GPR137: variants seen among roughly 807,000 people sequenced by gnomAD.
The protein encoded by GPR137 is integral membrane protein GPR137.
Under a neutral mutation model 38.9 loss-of-function variants are expected in GPR137, and 20 were observed. That is an observed-to-expected ratio of 0.51 (90% CI 0.36 to 0.75). The LOEUF (loss-of-function observed/expected upper bound fraction) is 0.75. Among genes scored for constraint, GPR137 ranks in the 30% least tolerant of loss-of-function variants. The probability of loss-of-function intolerance (pLI) is 0.00; values close to 1 mark genes in which losing one functional copy is unlikely to be tolerated. For missense variants in GPR137, 456 were observed against 526.4 expected (o/e 0.87, Z 1.31); for synonymous variants, 226 against 235.8 (o/e 0.96, Z 0.38).
In GPR137 at chr11:64,289,477, CAG is replaced by C; in HGVS notation, c.*282_*283del. The C allele has an allele frequency of 1.4e-6, 2 of 1,468,440 alleles. No homozygotes were observed. Among genetic ancestry groups the C allele is most frequent in the South Asian group, 1.4e-5 (1 of 72,878 alleles). 91.0% of individuals were successfully genotyped at this position (1,468,440 alleles called of 1,614,324 possible). A position where few individuals can be genotyped will look rare whatever the true frequency, so the allele number is the denominator to read the frequency against. The stretch of plus-strand genomic sequence containing the variant: ...TCTCCTGTGCCTGCCACTCAATAAA[CAG>C]TGTCTGCGCCCCACAGTTGTGCACC... On this transcript the variant is annotated 3_prime_UTR_variant, in exon 7 of 7. Coordinates refer to ENST00000438980, the MANE Select transcript of GPR137 (RefSeq NM_001170880.2).
At position 64,289,337 on chromosome 11, in the gene GPR137, G is replaced by A. The variant is rs2034530915; in HGVS notation, c.*141G>A. ...CTCTGGCCGGCTCCTTGCTGCTCCT[G>A]TCATAGTGAGCTTGTGCCGTCCCCC... On this transcript the variant is annotated 3_prime_UTR_variant, in exon 7 of 7. Coordinates refer to ENST00000438980, the MANE Select transcript of GPR137 (RefSeq NM_001170880.2). 1 of 1,603,614 alleles carries A rather than the reference G, an allele frequency of 6.2e-7. No individual in the cohort carries two copies. Among genetic ancestry groups the A allele is most frequent in the African/African-American group, 1.3e-5 (1 of 74,832 alleles).
chr11:64,289,279 G>C lies in GPR137; in HGVS notation c.*83G>C. On this transcript the variant is annotated 3_prime_UTR_variant, in exon 7 of 7. Transcript: ENST00000438980. ...GTGCCAAGTTTGTCTGCCGCTTCTTGCCCAGGATCCTGGGGGTCGTGGCTA... is the reference window on the plus strand; with the variant it reads ...GTGCCAAGTTTGTCTGCCGCTTCTTCCCCAGGATCCTGGGGGTCGTGGCTA... The C allele has an allele frequency of 6.2e-7, 1 of 1,612,046 alleles. No homozygotes were observed. Among genetic ancestry groups the C allele is most frequent in the Non-Finnish European group, 8.5e-7 (1 of 1,179,606 alleles).
chr11:64,289,237 C>A lies in GPR137; in HGVS notation c.*41C>A, dbSNP rs2034512837. 1.2e-6 allele frequency: 2 copies of A among 1,612,072 alleles called. No homozygotes were observed. Among genetic ancestry groups the A allele is most frequent in the South Asian group, 2.2e-5 (2 of 91,056 alleles). On this transcript the variant is annotated 3_prime_UTR_variant, in exon 7 of 7. Transcript: ENST00000438980. Reference sequence around the variant, plus strand: ...CACAGAATACCCAGGCCCCAGTCCCCCTCACCCTAGGCCCCTGTGCCAAGT... The same window carrying A: ...CACAGAATACCCAGGCCCCAGTCCCACTCACCCTAGGCCCCTGTGCCAAGT...
chr11:64,288,750 C>G lies in GPR137; in HGVS notation c.1031+29C>G. ...GGAGCCGTGGCACTGCCTCAGTACC[C>G]CTGCCCTACCCGCCCACCCCGCTGG... On this transcript the variant is annotated intron_variant, in intron 6 of 6. Coordinates refer to ENST00000438980, the MANE Select transcript of GPR137 (RefSeq NM_001170880.2). This position sits in a 1 kb window ranked among gnomAD's most constrained non-coding sequence, Gnocchi z 5.5. 1 of 1,502,218 alleles carries G rather than the reference C, an allele frequency of 6.7e-7. No homozygotes were observed. The allele number at this position is 1,502,218 out of a possible 1,614,324, so 93.1% of individuals were successfully genotyped here.
chr11:64,288,612 C>T lies in GPR137; in HGVS notation c.922C>T (p.His308Tyr). 1 of 1,613,470 alleles carries T rather than the reference C, an allele frequency of 6.2e-7. No homozygotes were observed. The highest frequency in any genetic ancestry group is 8.5e-7 in the Non-Finnish European group (1 of 1,179,738). The stretch of plus-strand genomic sequence containing the variant: ...TGGCTTCCTCCCCCAGAGCACCAGC[C>T]ACATCCTCAATGGGCAGGTCTTTGC... ...HRPPQDLSTSHILNGQVFASR... is the reference protein window; with the variant it reads ...HRPPQDLSTSYILNGQVFASR... The change falls in exon 6 of 7, where the codon CAC becomes TAC. Residue 308 changes from histidine (H) to tyrosine (Y), a missense_variant. Transcript: ENST00000438980. The surrounding 1 kb of genome is among the most constrained non-coding windows in gnomAD (Gnocchi z 5.5).
chr11:64,273,121 C>G (rs757150503), upstream of GPR137, among the ~76,000 whole-genome samples: 22 of 152,220 alleles, frequency 1.4e-4, no homozygotes, highest in Non-Finnish European at 3.1e-4. Flanking sequence ...GTAATCCCAG[C>G]ACTTTGGGAG....
Position 64,286,240 on chromosome 11 carries a change from C to T in GPR137, c.-285C>T. 1 of 1,252,866 alleles carries T rather than the reference C, an allele frequency of 8.0e-7. No individual in the cohort carries two copies. Among genetic ancestry groups the T allele is most frequent in the Non-Finnish European group, 1.0e-6 (1 of 995,804 alleles). 77.6% of individuals were successfully genotyped at this position (1,252,866 alleles called of 1,614,324 possible). On this transcript the variant is annotated 5_prime_UTR_variant, in exon 1 of 7. Transcript: ENST00000438980. ...CCCCCATCCTTGGCTCTGGGGTAGG[C>T]CCAGGGAGGAGACACCCCCAACCCC... is the stretch of plus-strand genomic sequence containing the variant.
chr11:64,276,659 C>T, intron 2 of GPR137: 1 of 486,254 alleles, frequency 2.1e-6, no homozygotes, highest in Non-Finnish European at 3.7e-6. Context: ...GTTCTATTTA[C>T]AGGGAAAAAC....
intron 2 of GPR137, 55 bp from the exon 3 acceptor site, chr11:64,287,666 G>A: frequency 6.3e-7 from 1 of 1,591,868 alleles, no homozygotes; most frequent in South Asian, 1.1e-5. Flanking sequence ...AGGTGGGGCA[G>A]GTGGTGAGTG....
upstream of GPR137, chr11:64,285,719 G>A: frequency 1.0e-6 from 1 of 985,374 alleles, no homozygotes; most frequent in Non-Finnish European, 1.2e-6. Flanking sequence ...GCGCCCGCCA[G>A]CGGCGCAGCT....
chr11:64,286,462 TTCCCTGG>T lies in GPR137; in HGVS notation c.-58_-52del, dbSNP rs2034070167. On this transcript the variant is annotated 5_prime_UTR_variant, in exon 1 of 7. Transcript: ENST00000438980. ...GCAATTCCCACCCCTCCGTATTTAT[TTCCCTGG>T]TCCCGCCGACAGTCCCTCCTTGTCT... 1.3e-6 allele frequency: 2 copies of T among 1,550,758 alleles called. No homozygotes were observed. Among genetic ancestry groups the T allele is most frequent in the African/African-American group, 2.7e-5 (2 of 73,490 alleles).
At chr11:64,271,755 C>A (rs1189823366), upstream of GPR137, 1 of 1,445,620 alleles carries the variant, frequency 6.9e-7, no homozygotes, top group South Asian at 1.5e-5. Context: ...GTCCTCCGTC[C>A]CCGCGGGGTA....
At chr11:64,273,776 G>C (rs2032822087), upstream of GPR137, among the ~76,000 whole-genome samples, 1 of 147,912 alleles carries the variant, frequency 6.8e-6, no homozygotes, top group Admixed American at 7.0e-5. Flanking sequence ...CAGCTACTCG[G>C]GAGGCTGAAG....
At position 64,288,775 on chromosome 11, in the gene GPR137, G is replaced by A. The variant is rs2034447455; in HGVS notation, c.1031+54G>A. ...CCTGCCCTACCCGCCCACCCCGCTG[G>A]CTCCATCAAGCTATGGGGGACCGAG... On this transcript the variant is annotated intron_variant, in intron 6 of 6. Transcript: ENST00000438980. This position sits in a 1 kb window ranked among gnomAD's most constrained non-coding sequence, Gnocchi z 5.5. The A allele has an allele frequency of 1.4e-6, 2 of 1,477,652 alleles. No homozygotes were observed. Among genetic ancestry groups the A allele is most frequent in the Non-Finnish European group, 1.8e-6 (2 of 1,115,466 alleles). 91.5% of individuals were successfully genotyped at this position (1,477,652 alleles called of 1,614,324 possible).
chr11:64,288,935 C>G lies in GPR137; in HGVS notation c.1032-102C>G. 6.9e-7 allele frequency: 1 copy of G among 1,445,500 alleles called. No homozygotes were observed. The highest frequency in any genetic ancestry group is 9.1e-7 in the Non-Finnish European group (1 of 1,104,480). The allele number at this position is 1,445,500 out of a possible 1,614,324, so 89.5% of individuals were successfully genotyped here. A position where few individuals can be genotyped will look rare whatever the true frequency, so the allele number is the denominator to read the frequency against. ...GTACTTTGTCCTGGGCCCCGAAGGT[C>G]TAGGTCACAGGGGTTCTGTTCTAAG... On this transcript the variant is annotated intron_variant, in intron 6 of 6. Coordinates refer to ENST00000438980, the MANE Select transcript of GPR137 (RefSeq NM_001170880.2). The surrounding 1 kb of genome is among the most constrained non-coding windows in gnomAD (Gnocchi z 5.5).
At chr11:64,286,934 C>G (rs761752448) in intron 1 of GPR137, 31 bp from the exon 2 acceptor site, 27 of 1,613,706 alleles carry the variant, frequency 1.7e-5, no homozygotes, top group Non-Finnish European at 2.2e-5. Context: ...CCTCAAGGAC[C>G]CACAGGAGTG....
Position 64,287,749 on chromosome 11 carries a change from G to T in GPR137, c.436G>T (p.Ala146Ser). ...CGCTGTCCGAGGGGCCTTTGTGGGG[G>T]CCTCGCTGCTCTTTCTGCTGGTGAA... The part of the protein sequence containing the change: ...LLAVRGAFVG[A>S]SLLFLLVNVL... Residue 146 changes from alanine to serine, a missense_variant, in exon 3 of 7, where the codon GCC becomes TCC. Ala to Ser is a moderately conservative substitution (Grantham distance 99). Coordinates refer to ENST00000438980, the MANE Select transcript of GPR137 (RefSeq NM_001170880.2). 1.2e-6 allele frequency: 2 copies of T among 1,605,964 alleles called. No individual in the cohort carries two copies. The highest frequency in any genetic ancestry group is 1.1e-5 in the South Asian group (1 of 91,078).
upstream of GPR137, chr11:64,285,218 C>T: frequency 2.0e-6 from 2 of 987,950 alleles, no homozygotes; most frequent in Non-Finnish European, 2.4e-6. Context: ...CGCCGCCCGC[C>T]TCGGGGGACA....
intron 2 of GPR137, chr11:64,276,990 C>T (rs1303103409): frequency 8.3e-6 from 6 of 726,968 alleles, no homozygotes; most frequent in African/African-American, 6.9e-5. Flanking sequence ...AGCATCCCTG[C>T]ACTGGGATTT....
Sources: allele counts gnomAD v4.1 joint callset (sites outside exome capture counted in the v4.1 genomes callset), GRCh38; gene constraint gnomAD v4.1.1; non-coding constraint Gnocchi (gnomAD v3.1); transcripts MANE v1.5; gene names NCBI Gene and HGNC (gene_info 2026-07-23, HGNC 2026-07-21).